RBFOX3: variants seen among roughly 807,000 people sequenced by gnomAD.
RBFOX3 encodes RNA binding fox-1 homolog 3.
In RBFOX3, 17 loss-of-function variants were observed where a neutral mutation model predicts 48.7. The ratio of observed to expected loss-of-function variants is 0.35; its 90% CI spans 0.24 to 0.52. The LOEUF (loss-of-function observed/expected upper bound fraction) is 0.52. RBFOX3 is among the 20% of genes least tolerant of loss of function. The pLI is 0.94. For missense variants in RBFOX3, 382 were observed against 497.5 expected, an observed-to-expected ratio of 0.77 and a Z score of 2.21; for synonymous variants, 212 against 209.5, an observed-to-expected ratio of 1.01 and a Z score of -0.10.
At position 79,254,105 on chromosome 17, in the gene RBFOX3, C is replaced by T. The variant is rs2064399902; in HGVS notation, c.-73-18300G>A. Among the ~76,000 whole-genome samples the T allele has an allele frequency of 6.6e-6, 1 of 152,190 alleles. No homozygotes were observed. On this transcript the variant is annotated intron_variant, in intron 3 of 14. Coordinates refer to ENST00000693108, the MANE Select transcript of RBFOX3 (RefSeq NM_001350451.2). The surrounding 1 kb of genome is among the most constrained non-coding windows in gnomAD (Gnocchi z 4.8). ...AATGAAGTCACTGCAATGCCCAGGT[C>T]CTGGGCAGGGAGGCAAGTTCACCAC...
At chr17:79,381,588 G>A (rs544853182) in intron 2 of RBFOX3, among the ~76,000 whole-genome samples, 3 of 152,072 alleles carry the variant, frequency 2.0e-5, no homozygotes, top group South Asian at 2.1e-4. Context: ...CCCACACACC[G>A]GGCCTGGCAT....
chr17:79,519,196 A>G (rs2085694430), intron 1 of RBFOX3, among the ~76,000 whole-genome samples: 1 of 152,242 alleles, frequency 6.6e-6, no homozygotes, highest in South Asian at 2.1e-4. Flanking sequence ...TCTCTCTTGA[A>G]GGGCAGGCAG....
At chr17:79,144,232 T>C (rs139850455) in intron 4 of RBFOX3, among the ~76,000 whole-genome samples, 3 of 152,340 alleles carry the variant, frequency 2.0e-5, no homozygotes, top group East Asian at 1.9e-4. Context: ...GGGTGGCCAA[T>C]GGGCCTGCTC....
At chr17:79,188,585 C>T (rs966784423) in intron 4 of RBFOX3, among the ~76,000 whole-genome samples, 1 of 152,212 alleles carries the variant, frequency 6.6e-6, no homozygotes, top group Non-Finnish European at 1.5e-5. Context: ...GCACATCTCT[C>T]TCTTGCAAGT....
At chr17:79,319,407 A>T (rs73421495) in intron 2 of RBFOX3, among the ~76,000 whole-genome samples, 1 of 152,228 alleles carries the variant, frequency 6.6e-6, no homozygotes, top group Non-Finnish European at 1.5e-5. Flanking sequence ...AGGAGGTCCC[A>T]CTTGGGCTGC....
chr17:79,092,456 T>C lies in RBFOX3; in HGVS notation c.1078-1571A>G, dbSNP rs191394801. On this transcript the variant is annotated intron_variant, in intron 14 of 14. Coordinates refer to ENST00000693108, the MANE Select transcript of RBFOX3 (RefSeq NM_001350451.2). ...CTGGAGAGAAATAATCTATAGATTT[T>C]AGAGTTGCAGGGGGCCAGCCGTGCG... The C allele has an allele frequency of 1.4e-4, 135 of 985,810 alleles. No homozygotes were observed. The African/African-American group carries it at 2.1e-3, about 15-fold the overall frequency. The allele number at this position is 985,810 out of a possible 1,614,324, so 61.1% of individuals were successfully genotyped here.
At chr17:79,265,225 G>T (rs1264067397) in intron 3 of RBFOX3, among the ~76,000 whole-genome samples, 2 of 152,186 alleles carry the variant, frequency 1.3e-5, no homozygotes, top group African/African-American at 4.8e-5. Flanking sequence ...AATGAAACCA[G>T]GTTTCATGAG....
At chr17:79,454,424 G>A (rs561019892) in intron 2 of RBFOX3, among the ~76,000 whole-genome samples, 1 of 151,802 alleles carries the variant, frequency 6.6e-6, no homozygotes, top group Admixed American at 6.6e-5. Flanking sequence ...GCCCAGCCCC[G>A]CCACCTCTCT....
chr17:79,538,658 G>C (rs545896588), intron 1 of RBFOX3, among the ~76,000 whole-genome samples: 5 of 152,364 alleles, frequency 3.3e-5, no homozygotes, highest in Non-Finnish European at 5.9e-5. Flanking sequence ...CTCAACCACT[G>C]TGTGGTTCCT....
chr17:79,455,887 C>T (rs559017922), intron 2 of RBFOX3, among the ~76,000 whole-genome samples: 5 of 152,184 alleles, frequency 3.3e-5, no homozygotes, highest in Admixed American at 6.5e-5. Context: ...TCCAGTGCTA[C>T]GTGGCGTCTG....
intron 2 of RBFOX3, among the ~76,000 whole-genome samples, chr17:79,377,872 T>C (rs2059410990): frequency 6.6e-6 from 1 of 152,110 alleles, no homozygotes; most frequent in South Asian, 2.1e-4. Flanking sequence ...CACCTGAGAA[T>C]TCCCAGCACT....
intron 1 of RBFOX3, among the ~76,000 whole-genome samples, chr17:79,579,031 G>T (rs2092955447): frequency 6.6e-6 from 1 of 152,194 alleles, no homozygotes. Flanking sequence ...CATCGTGCTT[G>T]GTCCATCTCC....
the RBFOX3 span, among the ~76,000 whole-genome samples, chr17:79,620,059 A>T: frequency 1.3e-5 from 2 of 150,892 alleles, no homozygotes; most frequent in East Asian, 3.9e-4. Context: ...ACATGCACAC[A>T]TATGTACATG....
chr17:79,453,622 G>A (rs1447411753), intron 2 of RBFOX3, among the ~76,000 whole-genome samples: 4 of 152,288 alleles, frequency 2.6e-5, no homozygotes, highest in African/African-American at 9.6e-5. Context: ...AGAAGAGTGG[G>A]TGCGGAGATG....
chr17:79,196,406 G>A (rs533869156), intron 4 of RBFOX3, among the ~76,000 whole-genome samples: 4 of 152,308 alleles, frequency 2.6e-5, no homozygotes, highest in African/African-American at 4.8e-5. Flanking sequence ...CTCCAGTGTT[G>A]GTGTCTGCGT....
rs564063365 is a variant in RBFOX3 at position 79,435,562 on chromosome 17, G to A, written c.-175+46892C>T. On this transcript the variant is annotated intron_variant, in intron 2 of 14. Transcript: ENST00000693108. Reference sequence around the variant, plus strand: ...GCACAGTCACCACCTCCTCCAGGGCGTTTAGGAGTAAATGTGTCAACAGGA... The same window carrying A: ...GCACAGTCACCACCTCCTCCAGGGCATTTAGGAGTAAATGTGTCAACAGGA... Among the ~76,000 whole-genome samples, 10 of 152,230 alleles carry A rather than the reference G, an allele frequency of 6.6e-5. No homozygotes were observed. In the East Asian group the frequency reaches 7.7e-4, roughly 12 times the overall value.
chr17:79,359,066 T>A (rs12602618), intron 2 of RBFOX3, among the ~76,000 whole-genome samples: 1 of 152,018 alleles, frequency 6.6e-6, no homozygotes, highest in African/African-American at 2.4e-5. Flanking sequence ...CCAGGCCAGG[T>A]GTATCCATCA....
At chr17:79,409,061 AC>A (rs1363185901) in intron 2 of RBFOX3, among the ~76,000 whole-genome samples, 1 of 151,940 alleles carries the variant, frequency 6.6e-6, no homozygotes, top group Non-Finnish European at 1.5e-5. Flanking sequence ...GGATTTACCT[AC>A]CCTGGGTATT....
chr17:79,275,134 C>T (rs958974900), intron 3 of RBFOX3, among the ~76,000 whole-genome samples: 3 of 149,974 alleles, frequency 2.0e-5, no homozygotes, highest in Non-Finnish European at 3.0e-5. Flanking sequence ...CTCTCTCTCT[C>T]TCTCTCTCTC....
Sources: gnomAD v4.1 joint callset for allele counts (sites outside exome capture counted in the v4.1 genomes callset) on GRCh38, gnomAD v4.1.1 for gene constraint, Gnocchi (gnomAD v3.1) non-coding constraint, MANE v1.5 for transcripts, NCBI Gene and HGNC (gene_info 2026-07-23, HGNC 2026-07-21) for gene names.